The following SPTLC1 variants were observed in gnomAD, a reference collection of about 807,000 sequenced individuals.
SPTLC1 encodes serine palmitoyltransferase 1.
A neutral mutation model predicts 68.9 loss-of-function variants in SPTLC1; 55 were observed. That is an observed-to-expected ratio of 0.80 (90% CI 0.64 to 1.00). The LOEUF is 1.00. Ranked by LOEUF, SPTLC1 falls within the 50% of genes least tolerant of loss-of-function variation. SPTLC1 has a pLI of 0.00. For missense variants in SPTLC1, 449 were observed against 573.1 expected, an observed-to-expected ratio of 0.78 and a Z score of 2.21; for synonymous variants, 197 against 201.6, an observed-to-expected ratio of 0.98 and a Z score of 0.19.
chr9:92,112,690 G>T, intron 1 of SPTLC1, 128 bp from the exon 2 acceptor site: 1 of 643,276 alleles, frequency 1.6e-6, no homozygotes, highest in Non-Finnish European at 2.8e-6. Context: ...TACTTTCGAA[G>T]CTCCCTTAAT....
chr9:92,054,047 C>A, intron 8 of SPTLC1: 1 of 743,332 alleles, frequency 1.3e-6, no homozygotes, highest in Non-Finnish European at 1.6e-6. Flanking sequence ...TTTGGGAGGC[C>A]AAGGAGGGTG....
intron 9 of SPTLC1, among the ~76,000 whole-genome samples, chr9:92,049,512 C>A (rs185807066): frequency 6.6e-6 from 1 of 152,136 alleles, no homozygotes; most frequent in African/African-American, 2.4e-5. Context: ...CACACACGCA[C>A]GCACGCGTAA....
chr9:92,107,249 T>C (rs1275897391), intron 3 of SPTLC1, among the ~76,000 whole-genome samples: 1 of 152,206 alleles, frequency 6.6e-6, no homozygotes, highest in Non-Finnish European at 1.5e-5. Flanking sequence ...GATACGAATA[T>C]ATCCAATGAA....
In SPTLC1 at chr9:92,038,349, C is replaced by T. The variant is rs373007603; in HGVS notation, c.1153G>A (p.Val385Met). The T allele has an allele frequency of 1.8e-5, 29 of 1,612,908 alleles. No homozygotes were observed. In the African/African-American group the frequency reaches 3.7e-4, roughly 21 times the overall value. Residue 385 changes from valine to methionine, a missense_variant, in exon 13 of 15, where the codon GTG (valine) becomes ATG (methionine). Val to Met is a conservative substitution (Grantham distance 21). Around this residue, in one of 3 missense-constraint regions of SPTLC1, gnomAD observed 391 missense variants for 472.1 expected, o/e 0.83. Coordinates refer to ENST00000262554, the MANE Select transcript of SPTLC1 (RefSeq NM_006415.4). ...GCTGGAGAAAGGGACTCCCCCACCA[C>T]TTTTAATCCAGAAATGCTGAAGAAG... is the stretch of plus-strand genomic sequence containing the variant. ...KALQGISGLK[V>M]VGESLSPAFH...
At chr9:92,086,846 T>G (rs938785102) in intron 3 of SPTLC1, among the ~76,000 whole-genome samples, 114 of 152,372 alleles carry the variant, frequency 7.5e-4, no homozygotes, top group African/African-American at 2.7e-3. Context: ...GTTTTCCAAC[T>G]TGGTTCCATT....
chr9:92,064,679 T>TA (rs1834220184), intron 6 of SPTLC1, among the ~76,000 whole-genome samples: 1 of 152,222 alleles, frequency 6.6e-6, no homozygotes, highest in African/African-American at 2.4e-5. Flanking sequence ...GCTTTTTTTT[T>TA]ATAACAGCAC....
Position 92,079,794 on chromosome 9 carries a change from C to A in SPTLC1, c.427+222G>T, listed in dbSNP as rs1036266956. The A allele has an allele frequency of 7.7e-6, 5 of 647,828 alleles. No individual in the cohort carries two copies. The South Asian group carries it at 9.0e-5, about 12-fold the overall frequency. 40.1% of individuals were successfully genotyped at this position (647,828 alleles called of 1,614,324 possible). ...ACGCTGCAATCCCCACACATGCACA[C>A]GAGGATGAGCCCACCATGCCCGGCT... On this transcript the variant is annotated intron_variant, in intron 5 of 14. Coordinates refer to ENST00000262554, the MANE Select transcript of SPTLC1 (RefSeq NM_006415.4).
intron 3 of SPTLC1, among the ~76,000 whole-genome samples, chr9:92,107,219 A>T (rs1421880363): frequency 1.3e-5 from 2 of 152,202 alleles, no homozygotes; most frequent in East Asian, 3.8e-4. Context: ...GTATACATGA[A>T]TGAGTCTCTG....
chr9:92,101,256 T>C (rs1384028441), intron 3 of SPTLC1, among the ~76,000 whole-genome samples: 1 of 150,916 alleles, frequency 6.6e-6, no homozygotes, highest in African/African-American at 2.4e-5. Context: ...AACAAAGACA[T>C]AGATACCATT....
At chr9:92,065,931 C>G (rs1035290653) in intron 6 of SPTLC1, among the ~76,000 whole-genome samples, 8 of 152,078 alleles carry the variant, frequency 5.3e-5, no homozygotes, top group Non-Finnish European at 1.2e-4. Context: ...AAGGTTCTGT[C>G]GCTGCACAAG....
intron 5 of SPTLC1, among the ~76,000 whole-genome samples, chr9:92,075,032 C>A (rs1834631953): frequency 6.6e-6 from 1 of 152,100 alleles, no homozygotes; most frequent in Non-Finnish European, 1.5e-5. Flanking sequence ...CCGTGACCTG[C>A]TTTCTTTTCG....
chr9:92,032,229 T>G lies in SPTLC1; in HGVS notation c.*236A>C. 6.9e-7 allele frequency: 1 copy of G among 1,440,138 alleles called. No homozygotes were observed. The highest frequency in any genetic ancestry group is 9.3e-7 in the Non-Finnish European group (1 of 1,076,196). The allele number at this position is 1,440,138 out of a possible 1,614,324, so 89.2% of individuals were successfully genotyped here. A position where few individuals can be genotyped will look rare whatever the true frequency, so the allele number is the denominator to read the frequency against. On this transcript the variant is annotated 3_prime_UTR_variant, in exon 15 of 15. Coordinates refer to ENST00000262554, the MANE Select transcript of SPTLC1 (RefSeq NM_006415.4). ...CAATTTAAACATCAGTTATACACTG[T>G]CATTAGTTTTCCTCTTAAAAAAATC...
At chr9:92,047,471 T>G in intron 10 of SPTLC1, 142 bp downstream of exon 10, 1 of 746,384 alleles carries the variant, frequency 1.3e-6, no homozygotes, top group Non-Finnish European at 2.3e-6. Flanking sequence ...TAGAAATATT[T>G]TGAGTGATTC....
intron 12 of SPTLC1, among the ~76,000 whole-genome samples, chr9:92,045,500 A>T (rs1351548748): frequency 1.3e-5 from 2 of 150,452 alleles, no homozygotes; most frequent in African/African-American, 4.9e-5. Context: ...TATAATAAAA[A>T]AAAAAAAAGT....
intron 3 of SPTLC1, among the ~76,000 whole-genome samples, chr9:92,087,925 T>C (rs1835213886): frequency 6.6e-6 from 1 of 152,266 alleles, no homozygotes; most frequent in African/African-American, 2.4e-5. Context: ...GGCTGCTTTG[T>C]TTACCTAAGC....
At chr9:92,047,899 T>A (rs1833576778) in intron 9 of SPTLC1, among the ~76,000 whole-genome samples, 191 bp from the exon 10 acceptor site, 1 of 152,232 alleles carries the variant, frequency 6.6e-6, no homozygotes, top group Non-Finnish European at 1.5e-5. Flanking sequence ...TCATGGCCCA[T>A]CTGAAACTGT....
At chr9:92,041,419 G>GA (rs1833346731) in intron 12 of SPTLC1, among the ~76,000 whole-genome samples, 2 of 152,124 alleles carry the variant, frequency 1.3e-5, no homozygotes, top group South Asian at 4.1e-4. Flanking sequence ...ACACTATGAT[G>GA]AAAACACACA....
At chr9:92,092,613 T>C (rs919554551) in intron 3 of SPTLC1, among the ~76,000 whole-genome samples, 2 of 152,074 alleles carry the variant, frequency 1.3e-5, no homozygotes, top group African/African-American at 4.8e-5. Flanking sequence ...CACACACCTG[T>C]AGTTCCAGCT....
chr9:92,079,622 T>C, intron 5 of SPTLC1: 3 of 1,453,708 alleles, frequency 2.1e-6, no homozygotes, highest in Non-Finnish European at 2.9e-6. Context: ...CCAGGCAATC[T>C]GCTCTCCACT....
Sources: gnomAD v4.1 joint callset for allele counts (sites outside exome capture counted in the v4.1 genomes callset) on GRCh38, gnomAD v4.1.1 for gene constraint, gnomAD v4.1.1 regional missense constraint, MANE v1.5 for transcripts, NCBI Gene and HGNC (gene_info 2026-07-23, HGNC 2026-07-21) for gene names.